The following FBN1 variants were observed in gnomAD, a reference collection of about 807,000 sequenced individuals.
FBN1 encodes the protein fibrillin 1.
A neutral mutation model predicts 365.1 loss-of-function variants in FBN1; 29 were observed. The ratio of observed to expected loss-of-function variants is 0.08; its 90% CI spans 0.06 to 0.11. FBN1 has a LOEUF of 0.11. Ranked by LOEUF, FBN1 falls within the 10% of genes least tolerant of loss-of-function variation. The probability of loss-of-function intolerance (pLI) is 1.00; values close to 1 mark genes in which losing one functional copy is unlikely to be tolerated. For synonymous variants in FBN1, 1,210 were observed against 1,270.5 expected, an observed-to-expected ratio of 0.95 and a Z score of 1.01; for missense variants, 2,476 against 3,703.2, an observed-to-expected ratio of 0.67 and a Z score of 8.60.
At chr15:48,424,513 C>A (rs1019262100) in intron 60 of FBN1, among the ~76,000 whole-genome samples, 6 of 152,120 alleles carry the variant, frequency 3.9e-5, no homozygotes, top group African/African-American at 9.7e-5. Context: ...TTATATATAC[C>A]AAGTAAGTGG....
At chr15:48,431,312 T>A (rs4775761) in intron 55 of FBN1, among the ~76,000 whole-genome samples, 1 of 151,668 alleles carries the variant, frequency 6.6e-6, no homozygotes, top group Admixed American at 6.6e-5. Context: ...TGTTGTCCAG[T>A]CTGGTCTCAA....
At chr15:48,566,194 T>C (rs1452047013) in intron 6 of FBN1, among the ~76,000 whole-genome samples, 1 of 152,210 alleles carries the variant, frequency 6.6e-6, no homozygotes, top group Non-Finnish European at 1.5e-5. Flanking sequence ...CTGGAGGTTT[T>C]GACAACACAT....
At position 48,445,279 on chromosome 15, in the gene FBN1, CA is replaced by C. The variant is rs1190684051; in HGVS notation, c.5917+96del. ...TATAATTCTACTCTGACTTTTCCTC[CA>C]GGTTTCCAGAAAGAAGCATTAGAAC... is the stretch of plus-strand genomic sequence containing the variant. On this transcript the variant is annotated intron_variant, in intron 48 of 65. Transcript: ENST00000316623. 15 of 1,379,014 alleles carry C rather than the reference CA, an allele frequency of 1.1e-5. No homozygotes were observed. In the Admixed American group the frequency reaches 2.2e-4, roughly 20 times the overall value. 85.4% of individuals were successfully genotyped at this position (1,379,014 alleles called of 1,614,324 possible). A position where few individuals can be genotyped will look rare whatever the true frequency, so the allele number is the denominator to read the frequency against.
intron 50 of FBN1, among the ~76,000 whole-genome samples, chr15:48,440,135 T>C (rs1343383931): frequency 6.6e-6 from 1 of 152,210 alleles, no homozygotes; most frequent in Non-Finnish European, 1.5e-5. Flanking sequence ...AGAGCTGTGC[T>C]TGCCCACATA....
chr15:48,519,601 T>G (rs184867876), intron 10 of FBN1, among the ~76,000 whole-genome samples: 17 of 152,234 alleles, frequency 1.1e-4, no homozygotes, highest in Non-Finnish European at 1.5e-4. Flanking sequence ...GATTAGGTCA[T>G]GTTTGAGCAG....
At chr15:48,529,042 T>C (rs2043943081) in intron 8 of FBN1, 1 of 152,250 alleles carries the variant, frequency 6.6e-6, no homozygotes, top group African/African-American at 2.4e-5. Flanking sequence ...CTCCTTTTAA[T>C]TGAATTTGAG....
In FBN1 at chr15:48,513,633, C is replaced by T. The variant is rs762111810; in HGVS notation, c.1504G>A (p.Gly502Ser). The change falls in exon 13 of 66, where the codon GGT becomes AGT. Residue 502 changes from glycine to serine, a missense_variant. Physicochemically the swap from Gly to Ser is moderately conservative, Grantham distance 56 (BLOSUM62 0). Transcript: ENST00000316623. ...GAACCCTGGTTGTTAATACACTCACCACCAGCACAGGGGTTTTTCTCACAT... is the reference window on the plus strand; with the variant it reads ...GAACCCTGGTTGTTAATACACTCACTACCAGCACAGGGGTTTTTCTCACAT... ...DECEKNPCAG[G>S]ECINNQGSYT... 3.7e-6 allele frequency: 6 copies of T among 1,613,834 alleles called. No homozygotes were observed. The highest frequency in any genetic ancestry group is 5.1e-6 in the Non-Finnish European group (6 of 1,179,902).
intron 40 of FBN1, among the ~76,000 whole-genome samples, chr15:48,464,657 G>A (rs1269689231): frequency 6.6e-6 from 1 of 152,150 alleles, no homozygotes; most frequent in East Asian, 1.9e-4. Context: ...GAAATGTGGA[G>A]AAATTAAAAT....
chr15:48,617,163 G>A (rs1223263490), intron 2 of FBN1, among the ~76,000 whole-genome samples: 1 of 151,584 alleles, frequency 6.6e-6, no homozygotes, highest in African/African-American at 2.4e-5. Context: ...AACTGTTTTG[G>A]GGGTTTTTTT....
At chr15:48,485,657 G>A (rs555475168) in intron 29 of FBN1, among the ~76,000 whole-genome samples, 161 bp from the exon 30 acceptor site, 23 of 152,210 alleles carry the variant, frequency 1.5e-4, no homozygotes, top group African/African-American at 5.1e-4. Flanking sequence ...TGGTGGGATC[G>A]GTGCTGTTAT....
intron 15 of FBN1, among the ~76,000 whole-genome samples, chr15:48,506,926 C>CT: frequency 6.6e-6 from 1 of 152,256 alleles, no homozygotes; most frequent in South Asian, 2.1e-4. Context: ...GGAGCTCTCT[C>CT]TCTCTCTCTC....
intron 6 of FBN1, among the ~76,000 whole-genome samples, chr15:48,574,339 C>T (rs1213489262): frequency 6.6e-6 from 1 of 152,110 alleles, no homozygotes; most frequent in Non-Finnish European, 1.5e-5. Context: ...GTAAGAATGT[C>T]AAATGGAAGG....
rs1031572615 is a variant in FBN1, at chr15:48,488,196, T to C, written c.3254A>G (p.Gln1085Arg). The C allele has an allele frequency of 1.2e-6, 2 of 1,614,258 alleles. No individual in the cohort carries two copies. The highest frequency in any genetic ancestry group is 1.7e-6 in the Non-Finnish European group (2 of 1,180,042). Residue 1085 changes from glutamine (Q) to arginine (R), a missense_variant, in exon 27 of 66, where the codon CAG (glutamine) becomes CGG (arginine). Physicochemically the swap from Gln to Arg is conservative, Grantham distance 43 (BLOSUM62 1). Around this residue, in one of 5 missense-constraint regions of FBN1, gnomAD observed 1,780 missense variants for 2,840.8 expected, o/e 0.63. Coordinates refer to ENST00000316623, the MANE Select transcript of FBN1 (RefSeq NM_000138.5). ...RISPDLCGRG[Q>R]CVNTPGDFEC... The stretch of plus-strand genomic sequence containing the variant: ...AAAGTCCCCAGGGGTGTTCACACAC[T>C]GGCCTCTGCCACAGAGGTCAGGAGA...
intron 55 of FBN1, 105 bp from the exon 56 acceptor site, chr15:48,430,907 T>G (rs971580216): frequency 9.3e-7 from 1 of 1,074,092 alleles, no homozygotes; most frequent in African/African-American, 1.6e-5. Flanking sequence ...AATTTTCATC[T>G]GTTATTTCAC....
intron 6 of FBN1, among the ~76,000 whole-genome samples, chr15:48,548,030 G>C (rs944910424): frequency 3.3e-5 from 5 of 152,190 alleles, no homozygotes; most frequent in African/African-American, 1.2e-4. Context: ...CGATTATGTA[G>C]ATTTAATTCA....
Position 48,513,631 on chromosome 15 carries a change from A to G in FBN1, c.1506T>C (p.Gly502=), listed in dbSNP as rs770426679. The G allele has an allele frequency of 6.2e-6, 10 of 1,614,018 alleles. No individual in the cohort carries two copies. Among genetic ancestry groups the G allele is most frequent in the Non-Finnish European group, 8.5e-6 (10 of 1,179,934 alleles). The change falls in exon 13 of 66, where the codon GGT becomes GGC. Residue 502 remains glycine, a synonymous_variant. Coordinates refer to ENST00000316623, the MANE Select transcript of FBN1 (RefSeq NM_000138.5). Reference sequence around the variant, plus strand: ...ACGAACCCTGGTTGTTAATACACTCACCACCAGCACAGGGGTTTTTCTCAC... The same window carrying G: ...ACGAACCCTGGTTGTTAATACACTCGCCACCAGCACAGGGGTTTTTCTCAC... ...DECEKNPCAG[G]ECINNQGSYT...
At chr15:48,484,449 G>A (rs12915497) in intron 30 of FBN1, among the ~76,000 whole-genome samples, 16,723 of 150,884 alleles carry the variant, frequency 0.11, 1,047 homozygotes, top group Non-Finnish European at 0.14. Context: ...TTGGCTCACT[G>A]CAACCACCGC....
In FBN1 at chr15:48,499,004, T is replaced by C. The variant is rs141039922; in HGVS notation, c.2148A>G (p.Gly716=). 6.9e-5 allele frequency: 111 copies of C among 1,614,204 alleles called. 1 individual carries two copies. The African/African-American group carries it at 1.4e-3, about 20-fold the overall frequency. Residue 716 remains glycine, a synonymous_variant, in exon 18 of 66, where the codon GGA becomes GGG. Coordinates refer to ENST00000316623, the MANE Select transcript of FBN1 (RefSeq NM_000138.5). The part of the protein sequence containing the change: ...EYQALCSSGP[G]MTSAGSDINE... The stretch of plus-strand genomic sequence containing the variant: ...CCTTACCACTGCCTGCTGACGTCAT[T>C]CCTGGCCCACTGCTGCAGAGTGCCT...
At chr15:48,437,221 C>T (rs2043080281) in intron 52 of FBN1, 101 bp downstream of exon 52, 4 of 1,239,318 alleles carry the variant, frequency 3.2e-6, no homozygotes, top group Non-Finnish European at 4.7e-6. Flanking sequence ...AAAAAAGTAG[C>T]ACTTAATTTT....
Sources: gnomAD v4.1 joint callset for allele counts (sites outside exome capture counted in the v4.1 genomes callset) on GRCh38, gnomAD v4.1.1 for gene constraint, gnomAD v4.1.1 regional missense constraint, MANE v1.5 for transcripts, NCBI Gene and HGNC (gene_info 2026-07-23, HGNC 2026-07-21) for gene names.